Variants in FAT4 observed in about 807,000 individuals in gnomAD.
FAT4 encodes protocadherin Fat 4.
A neutral mutation model predicts 303.9 loss-of-function variants in FAT4; 84 were observed. That is an observed-to-expected ratio of 0.28 (90% CI 0.23 to 0.33). The LOEUF is 0.33. Among genes scored for constraint, FAT4 ranks in the 10% least tolerant of loss-of-function variants. FAT4 has a pLI of 1.00. For missense variants in FAT4, 6,005 were observed against 6,146.8 expected (o/e 0.98, Z 0.77); for synonymous variants, 2,307 against 2,298.8 (o/e 1.00, Z -0.10).
At chr4:125,444,240 G>T (rs1179908963) in intron 8 of FAT4, among the ~76,000 whole-genome samples, 1 of 152,098 alleles carries the variant, frequency 6.6e-6, no homozygotes, top group African/African-American at 2.4e-5. Context: ...TGGAGGCTGG[G>T]AAGTCTAAGG....
chr4:125,452,174 C>G lies in FAT4; in HGVS notation c.11164C>G (p.Pro3722Ala). The G allele has an allele frequency of 1.2e-6, 2 of 1,614,222 alleles. No homozygotes were observed. Among genetic ancestry groups the G allele is most frequent in the Non-Finnish European group, 1.7e-6 (2 of 1,180,030 alleles). ...CAGCATCTTACTTCGTCTCGGCGTA[C>G]CAACAGTAAAGGACTTCTTGACCAA... The part of the protein sequence containing the change: ...DNSILLRLGV[P>A]TVKDFLTNHY... Residue 3722 changes from proline (P) to alanine (A), a missense_variant, in exon 10 of 18, where the codon CCA (proline) becomes GCA (alanine). Transcript: ENST00000394329.
At chr4:125,404,414 AT>A (rs931253729) in intron 3 of FAT4, among the ~76,000 whole-genome samples, 1 of 152,184 alleles carries the variant, frequency 6.6e-6, no homozygotes, top group Non-Finnish European at 1.5e-5. Flanking sequence ...TTCTCAAAAA[AT>A]ATACCGATAC....
Position 125,316,504 on chromosome 4 carries a change from G to C in FAT4, c.93G>C (p.Leu31=), listed in dbSNP as rs1362596964. The change falls in exon 2 of 18, where the codon CTG becomes CTC. Residue 31 remains leucine, a synonymous_variant. Coordinates refer to ENST00000394329, the MANE Select transcript of FAT4 (RefSeq NM_001291303.3). The surrounding 1 kb of genome is among the most constrained non-coding windows in gnomAD (Gnocchi z 5.7). ...VSQLLRVFWL[L]SLLPGQAWVH... is the part of the protein sequence containing the mutation. Reference sequence around the variant, plus strand: ...AGCTCCTTCGAGTGTTTTGGCTACTGTCATTGCTTCCGGGGCAGGCCTGGG... The same window carrying C: ...AGCTCCTTCGAGTGTTTTGGCTACTCTCATTGCTTCCGGGGCAGGCCTGGG... The C allele has an allele frequency of 1.9e-6, 3 of 1,613,968 alleles. No individual in the cohort carries two copies. The highest frequency in any genetic ancestry group is 3.3e-5 in the Admixed American group (2 of 60,034).
chr4:125,447,572 C>T (rs1171616144), intron 9 of FAT4, among the ~76,000 whole-genome samples: 1 of 152,066 alleles, frequency 6.6e-6, no homozygotes, highest in African/African-American at 2.4e-5. Flanking sequence ...ATGAGGTATG[C>T]TTAAGCATCT....
chr4:125,462,897 A>G (rs1039950585), intron 10 of FAT4, among the ~76,000 whole-genome samples: 2 of 151,954 alleles, frequency 1.3e-5, no homozygotes, highest in Non-Finnish European at 2.9e-5. Flanking sequence ...CACTCACTCA[A>G]TATTAGTTGA....
intron 2 of FAT4, among the ~76,000 whole-genome samples, chr4:125,375,599 C>G (rs1047659344): frequency 6.6e-6 from 1 of 152,194 alleles, no homozygotes; most frequent in Admixed American, 6.5e-5. Flanking sequence ...CATCACTGCA[C>G]TAAGAGTAAA....
At chr4:125,344,676 T>C (rs887607226) in intron 2 of FAT4, among the ~76,000 whole-genome samples, 1 of 152,162 alleles carries the variant, frequency 6.6e-6, no homozygotes, top group African/African-American at 2.4e-5. Flanking sequence ...ACTGTTTTGG[T>C]CAAGAACACC....
chr4:125,358,882 A>G (rs1022193984), intron 2 of FAT4, among the ~76,000 whole-genome samples: 4 of 152,176 alleles, frequency 2.6e-5, no homozygotes, highest in Non-Finnish European at 5.9e-5. Context: ...AGAAGTGGAA[A>G]GTAAAATCAC....
At chr4:125,384,406 G>A (rs1241365064) in intron 2 of FAT4, among the ~76,000 whole-genome samples, 7 of 152,052 alleles carry the variant, frequency 4.6e-5, no homozygotes, top group Non-Finnish European at 1.0e-4. Context: ...TATCTCAAAT[G>A]ACTAATGAAT....
intron 12 of FAT4, among the ~76,000 whole-genome samples, chr4:125,470,298 T>A (rs919974244): frequency 6.6e-6 from 1 of 152,194 alleles, no homozygotes; most frequent in Non-Finnish European, 1.5e-5. Context: ...GGATTTTTAA[T>A]ATGGAAAAGG....
intron 8 of FAT4, among the ~76,000 whole-genome samples, chr4:125,442,113 G>A (rs1725680519): frequency 6.6e-6 from 1 of 152,092 alleles, no homozygotes; most frequent in African/African-American, 2.4e-5. Flanking sequence ...TAAAAGGTTT[G>A]CTGACCACTA....
At position 125,320,220 on chromosome 4, in the gene FAT4, T is replaced by C. The variant is rs769143741; in HGVS notation, c.3809T>C (p.Ile1270Thr). 7.4e-6 allele frequency: 12 copies of C among 1,614,018 alleles called. No individual in the cohort carries two copies. The African/African-American group carries it at 1.2e-4, about 16-fold the overall frequency. ...AGTACCTCTGGTCAGGTAACACTAATTGGCAAATTAGACTATGAAGCAACA... is the reference window on the plus strand; with the variant it reads ...AGTACCTCTGGTCAGGTAACACTAACTGGCAAATTAGACTATGAAGCAACA... ...IDSTSGQVTL[I>T]GKLDYEATPA... The change falls in exon 2 of 18, where the codon ATT (isoleucine) becomes ACT (threonine). Residue 1270 changes from isoleucine to threonine, a missense_variant. Transcript: ENST00000394329.
intron 2 of FAT4, among the ~76,000 whole-genome samples, chr4:125,340,789 G>T (rs550357334): frequency 2.6e-5 from 4 of 152,108 alleles, no homozygotes; most frequent in Non-Finnish European, 5.9e-5. Context: ...TAACAGCATA[G>T]TAACAGTAGT....
intron 2 of FAT4, among the ~76,000 whole-genome samples, chr4:125,380,151 C>G (rs1272663692): frequency 6.6e-6 from 1 of 152,066 alleles, no homozygotes; most frequent in Non-Finnish European, 1.5e-5. Flanking sequence ...CCTCGGCCTC[C>G]CAAAGTGCTG....
At position 125,492,014 on chromosome 4, in the gene FAT4, A is replaced by G. The variant is rs563774151; in HGVS notation, c.*246A>G. On this transcript the variant is annotated 3_prime_UTR_variant, in exon 18 of 18. Transcript: ENST00000394329. ...TTTTGTAACTAGTTATGTGGCATGC[A>G]GCATTTGGAAAATTTTTCTTATTTA... The G allele has an allele frequency of 1.6e-5, 7 of 436,886 alleles. No homozygotes were observed. In the East Asian group the frequency reaches 2.6e-4, roughly 16 times the overall value. The allele number at this position is 436,886 out of a possible 1,614,324, so 27.1% of individuals were successfully genotyped here.
At chr4:125,461,198 T>A (rs1195526089) in intron 10 of FAT4, among the ~76,000 whole-genome samples, 1 of 152,060 alleles carries the variant, frequency 6.6e-6, no homozygotes, top group Non-Finnish European at 1.5e-5. Context: ...AACTCAGATG[T>A]CTATGTTAAA....
chr4:125,333,553 A>T (rs1191268366), intron 2 of FAT4, among the ~76,000 whole-genome samples: 2 of 152,182 alleles, frequency 1.3e-5, no homozygotes, highest in East Asian at 1.9e-4. Flanking sequence ...TTTTATAACC[A>T]AAGCAAGAAT....
Position 125,452,820 on chromosome 4 carries a change from C to T in FAT4, c.11800+10C>T. 2.5e-6 allele frequency: 4 copies of T among 1,586,204 alleles called. No homozygotes were observed. Among genetic ancestry groups the T allele is most frequent in the African/African-American group, 1.4e-5 (1 of 74,048 alleles). On this transcript the variant is annotated intron_variant, in intron 10 of 17. Transcript: ENST00000394329. ...AAAACTGGATACACAGGTATGACAA[C>T]GTTTGTACTTTTCTCACTAAGACTT...
At position 125,408,646 on chromosome 4, in the gene FAT4, A is replaced by T; in HGVS notation, c.5772A>T (p.Gln1924His). 6.2e-7 allele frequency: 1 copy of T among 1,611,110 alleles called. No homozygotes were observed. Among genetic ancestry groups the T allele is most frequent in the South Asian group, 1.1e-5 (1 of 90,994 alleles). ...LTVRAEDGGG[Q>H]FTTIRVYFNI... is the part of the protein sequence containing the mutation. ...TTCGAGCAGAAGATGGTGGGGGACA[A>T]TTTACTACCATCAGAGTTTATTTCA... The change falls in exon 5 of 18, where the codon CAA becomes CAT. Residue 1924 changes from glutamine to histidine, a missense_variant. Gln to His is a conservative substitution (Grantham distance 24). Transcript: ENST00000394329.
Sources: allele counts gnomAD v4.1 joint callset (sites outside exome capture counted in the v4.1 genomes callset), GRCh38; gene constraint gnomAD v4.1.1; non-coding constraint Gnocchi (gnomAD v3.1); transcripts MANE v1.5; gene names NCBI Gene and HGNC (gene_info 2026-07-23, HGNC 2026-07-21).